The following IGDCC3 variants were observed in gnomAD, a reference collection of about 807,000 sequenced individuals.
The protein encoded by IGDCC3 is putative neuronal cell adhesion molecule.
Under a neutral mutation model 72.0 loss-of-function variants are expected in IGDCC3, and 47 were observed. That is an observed-to-expected ratio of 0.65 (90% CI 0.52 to 0.83). The LOEUF is 0.83. IGDCC3 is among the 40% of genes least tolerant of loss of function. The pLI is 0.00. For missense variants in IGDCC3, 1,038 were observed against 1,091.3 expected (o/e 0.95, Z 0.69); for synonymous variants, 477 against 472.8 (o/e 1.01, Z -0.11).
At position 65,331,675 on chromosome 15, in the gene IGDCC3, A is replaced by G; in HGVS notation, c.1149-16T>C. The G allele has an allele frequency of 6.3e-7, 1 of 1,577,712 alleles. No homozygotes were observed. The highest frequency in any genetic ancestry group is 8.6e-7 in the Non-Finnish European group (1 of 1,157,640). Reference sequence around the variant, plus strand: ...GGTCAGTGTGCTGCAGGGGAGAGAGACAGCCTCAGGTTCCCTCCTCCCTGG... The same window carrying G: ...GGTCAGTGTGCTGCAGGGGAGAGAGGCAGCCTCAGGTTCCCTCCTCCCTGG... On this transcript the variant is annotated splice_polypyrimidine_tract_variant and intron_variant, in intron 7 of 13. Transcript: ENST00000327987.
rs1275338286 is a variant in IGDCC3 at position 65,328,235 on chromosome 15, T to C, written c.*674A>G. The C allele has an allele frequency of 6.6e-6, 1 of 150,918 alleles. No homozygotes were observed. The highest frequency in any genetic ancestry group is 1.9e-4 in the East Asian group (1 of 5,158). The allele number at this position is 150,918 out of a possible 1,614,324, so 9.3% of individuals were successfully genotyped here. A position where few individuals can be genotyped will look rare whatever the true frequency, so the allele number is the denominator to read the frequency against. ...CGAGCCTTGAGGTAGACATTTTCTT[T>C]CACATCTGGAAATGGGGAAGTGCTT... On this transcript the variant is annotated 3_prime_UTR_variant, in exon 14 of 14. Transcript: ENST00000327987.
chr15:65,355,663 C>T (rs2091213565), intron 2 of IGDCC3: 1 of 201,662 alleles, frequency 5.0e-6, no homozygotes, highest in South Asian at 4.7e-5. Flanking sequence ...GCGTCCCGCC[C>T]CCCCGCCCCT....
chr15:65,359,355 A>G (rs1271421669), intron 2 of IGDCC3, among the ~76,000 whole-genome samples: 1 of 152,142 alleles, frequency 6.6e-6, no homozygotes, highest in African/African-American at 2.4e-5. Flanking sequence ...TCCATGGGGG[A>G]TGCACAGGAC....
At chr15:65,368,743 G>A (rs768438517) in intron 2 of IGDCC3, among the ~76,000 whole-genome samples, 12 of 152,074 alleles carry the variant, frequency 7.9e-5, no homozygotes, top group South Asian at 2.1e-4. Context: ...AGATAAACAC[G>A]CGGCAGCAGC....
chr15:65,335,145 C>A (rs1258929753), intron 4 of IGDCC3, 146 bp downstream of exon 4: 29 of 917,698 alleles, frequency 3.2e-5, no homozygotes, highest in Admixed American at 1.7e-4. Context: ...CCTGTGCACC[C>A]TCACGCCAGG....
chr15:65,345,608 G>A (rs575057413), intron 2 of IGDCC3, among the ~76,000 whole-genome samples: 6 of 89,708 alleles, frequency 6.7e-5, no homozygotes, highest in African/African-American at 1.8e-4. Context: ...ACACAGACAC[G>A]CACAAAAATA....
At chr15:65,330,271 G>T in intron 11 of IGDCC3, 22 bp downstream of exon 11, 1 of 1,557,052 alleles carries the variant, frequency 6.4e-7, no homozygotes, top group Non-Finnish European at 8.8e-7. Flanking sequence ...ACTCAGCCCC[G>T]CACTCCATCC....
In IGDCC3 at chr15:65,359,045, C is replaced by G. The variant is rs557827804; in HGVS notation, c.409+16052G>C. On this transcript the variant is annotated intron_variant, in intron 2 of 13. Coordinates refer to ENST00000327987, the MANE Select transcript of IGDCC3 (RefSeq NM_004884.4). ...TTCACCATGTTGGCCAGGCTGGTCT[C>G]GAAGTCCTAACTTCAAGTGATGCAC... Among the ~76,000 whole-genome samples, 320 of 152,116 alleles carry G rather than the reference C, an allele frequency of 2.1e-3. 2 individuals are homozygous for G. The highest frequency in any genetic ancestry group is 6.3e-3 in the African/African-American group (261 of 41,486).
Position 65,346,889 on chromosome 15 carries a change from C to G in IGDCC3, c.410-10933G>C, listed in dbSNP as rs138576862. Among the ~76,000 whole-genome samples the G allele has an allele frequency of 7.2e-3, 1,098 of 152,332 alleles. 6 individuals carry two copies. The highest frequency in any genetic ancestry group is 0.012 in the Non-Finnish European group (816 of 68,028). On this transcript the variant is annotated intron_variant, in intron 2 of 13. Coordinates refer to ENST00000327987, the MANE Select transcript of IGDCC3 (RefSeq NM_004884.4). ...AACTCAGTGACTGGGTCTCATCCAG[C>G]TGCAACCTTTGAGGCACATCTGCTT...
chr15:65,340,651 C>A (rs1195441374), intron 2 of IGDCC3, among the ~76,000 whole-genome samples: 1 of 152,202 alleles, frequency 6.6e-6, no homozygotes, highest in Non-Finnish European at 1.5e-5. Context: ...TTGCTTACTC[C>A]AGACACATAC....
intron 2 of IGDCC3, among the ~76,000 whole-genome samples, chr15:65,349,979 C>T (rs1472763064): frequency 6.6e-6 from 1 of 152,050 alleles, no homozygotes; most frequent in African/African-American, 2.4e-5. Flanking sequence ...TCTGCGTGAC[C>T]TTGTCTATTC....
chr15:65,377,250 G>A lies in IGDCC3; in HGVS notation c.103+436C>T, dbSNP rs1273134617. Reference sequence around the variant, plus strand: ...CGCCCAGTGCAGCCGTCAGAGTCCCGGTCTCCGCTCCCCAGGCTGCTGTCC... The same window carrying A: ...CGCCCAGTGCAGCCGTCAGAGTCCCAGTCTCCGCTCCCCAGGCTGCTGTCC... On this transcript the variant is annotated intron_variant, in intron 1 of 13. Transcript: ENST00000327987. This position sits in a 1 kb window ranked among gnomAD's most constrained non-coding sequence, Gnocchi z 4.9. Among the ~76,000 whole-genome samples, 1 of 152,142 alleles carries A rather than the reference G, an allele frequency of 6.6e-6. No individual in the cohort carries two copies. The highest frequency in any genetic ancestry group is 1.5e-5 in the Non-Finnish European group (1 of 68,014).
At chr15:65,335,267 G>A (rs919553683) in intron 4 of IGDCC3, 24 bp downstream of exon 4, 1 of 1,591,750 alleles carries the variant, frequency 6.3e-7, no homozygotes, top group Middle Eastern at 1.7e-4. Context: ...GGGAGGTTGG[G>A]GGAAAGTGCT....
chr15:65,377,547 C>T lies in IGDCC3; in HGVS notation c.103+139G>A. 1.1e-6 allele frequency: 1 copy of T among 886,324 alleles called. No individual in the cohort carries two copies. Among genetic ancestry groups the T allele is most frequent in the Non-Finnish European group, 1.5e-6 (1 of 672,236 alleles). The allele number at this position is 886,324 out of a possible 1,614,324, so 54.9% of individuals were successfully genotyped here. A position where few individuals can be genotyped will look rare whatever the true frequency, so the allele number is the denominator to read the frequency against. On this transcript the variant is annotated intron_variant, in intron 1 of 13. Transcript: ENST00000327987. The surrounding 1 kb of genome is among the most constrained non-coding windows in gnomAD (Gnocchi z 4.9). ...TTGGTACCCTCTCCCCGTCCGGATCCGCAGGGTCCCCCCCGCGCGGGGTCC... is the reference window on the plus strand; with the variant it reads ...TTGGTACCCTCTCCCCGTCCGGATCTGCAGGGTCCCCCCCGCGCGGGGTCC...
At chr15:65,370,277 G>A (rs1345596370) in intron 2 of IGDCC3, among the ~76,000 whole-genome samples, 1 of 151,924 alleles carries the variant, frequency 6.6e-6, no homozygotes, top group Non-Finnish European at 1.5e-5. Flanking sequence ...AGCACTTTCG[G>A]AGGAAGTGTG....
At chr15:65,334,545 C>T in intron 5 of IGDCC3, 183 bp downstream of exon 5, 1 of 586,686 alleles carries the variant, frequency 1.7e-6, no homozygotes, top group Non-Finnish European at 2.9e-6. Context: ...GGCAGGCGGG[C>T]CTCCCTGGTC....
intron 2 of IGDCC3, among the ~76,000 whole-genome samples, chr15:65,372,691 A>C (rs1247838576): frequency 1.3e-5 from 2 of 152,176 alleles, no homozygotes; most frequent in African/African-American, 4.8e-5. Context: ...CAGGCAGAAG[A>C]AGCAGGGGCC....
chr15:65,359,697 C>A (rs890341474), intron 2 of IGDCC3, among the ~76,000 whole-genome samples: 8 of 152,116 alleles, frequency 5.3e-5, no homozygotes, highest in Non-Finnish European at 7.4e-5. Flanking sequence ...CCCTTTCATA[C>A]CAGAAGAGAC....
chr15:65,341,303 G>A (rs1303140896), intron 2 of IGDCC3, among the ~76,000 whole-genome samples: 1 of 152,190 alleles, frequency 6.6e-6, no homozygotes, highest in East Asian at 1.9e-4. Context: ...TGCCGCTGCT[G>A]TGGAACACGG....
Sources: allele counts gnomAD v4.1 joint callset (sites outside exome capture counted in the v4.1 genomes callset), GRCh38; gene constraint gnomAD v4.1.1; non-coding constraint Gnocchi (gnomAD v3.1); transcripts MANE v1.5; gene names NCBI Gene and HGNC (gene_info 2026-07-23, HGNC 2026-07-21).